Variants in SCN11A observed in about 807,000 individuals in gnomAD.
The protein encoded by SCN11A is sodium channel protein type 11 subunit alpha.
Under a neutral mutation model 162.2 loss-of-function variants are expected in SCN11A, and 122 were observed. The ratio of observed to expected loss-of-function variants is 0.75; its 90% confidence interval spans 0.65 to 0.87. The LOEUF (loss-of-function observed/expected upper bound fraction) is 0.87. SCN11A is among the 40% of genes least tolerant of loss of function. The pLI is 0.00. For synonymous variants in SCN11A, 758 were observed against 751.5 expected (o/e 1.01, Z -0.14); for missense variants, 2,015 against 2,181.6 (o/e 0.92, Z 1.52).
intron 2 of SCN11A, among the ~76,000 whole-genome samples, chr3:38,988,680 T>C (rs1435879442): frequency 1.3e-5 from 2 of 152,246 alleles, no homozygotes; most frequent in African/African-American, 4.8e-5. Flanking sequence ...GTTATAAGAC[T>C]GCTAGGCTTT....
chr3:39,043,065 G>T (rs905660055), intron 1 of SCN11A, among the ~76,000 whole-genome samples: 9 of 151,314 alleles, frequency 5.9e-5, no homozygotes, highest in African/African-American at 1.7e-4. Flanking sequence ...ATGTGAAAAA[G>T]TGCTCAACAT....
chr3:39,005,861 G>GT (rs1255931415), intron 2 of SCN11A, among the ~76,000 whole-genome samples: 1 of 151,816 alleles, frequency 6.6e-6, no homozygotes, highest in Non-Finnish European at 1.5e-5. Flanking sequence ...TCTCGGATTT[G>GT]TTTTTTGTTT....
chr3:39,009,311 A>G (rs879588815), intron 2 of SCN11A, among the ~76,000 whole-genome samples: 21 of 152,138 alleles, frequency 1.4e-4, no homozygotes, highest in Middle Eastern at 3.4e-3. Flanking sequence ...TTTTAATTTC[A>G]AATATGATAA....
chr3:38,905,033 G>A (rs2065770182), intron 15 of SCN11A, among the ~76,000 whole-genome samples, 159 bp downstream of exon 15: 1 of 152,200 alleles, frequency 6.6e-6, no homozygotes, highest in Admixed American at 6.5e-5. Flanking sequence ...TTGTTTACAT[G>A]CTCCAAAGAG....
intron 23 of SCN11A, among the ~76,000 whole-genome samples, chr3:38,877,028 T>C (rs1023646148): frequency 6.6e-5 from 3 of 45,210 alleles, no homozygotes; most frequent in Admixed American, 2.5e-4. Context: ...GGTGTATATA[T>C]ATGGTATATA....
Position 38,946,886 on chromosome 3 carries a change from T to G in SCN11A, c.289A>C (p.Lys97Gln). The part of the protein sequence containing the change: ...NHKTFMVLNR[K>Q]RTIYRFSAKH... Reference sequence around the variant, plus strand: ...GCACTGAAGCGGTAGATTGTCCTCTTTCTGTTTAACACCATAAATGTCTGC... The same window carrying G: ...GCACTGAAGCGGTAGATTGTCCTCTGTCTGTTTAACACCATAAATGTCTGC... The change falls in exon 6 of 30, where the codon AAG (lysine) becomes CAG (glutamine). Residue 97 changes from lysine to glutamine, a missense_variant. Transcript: ENST00000302328. 2.5e-6 allele frequency: 4 copies of G among 1,612,586 alleles called. No homozygotes were observed. The highest frequency in any genetic ancestry group is 3.4e-6 in the Non-Finnish European group (4 of 1,179,242).
At chr3:38,946,727 C>A (rs2066521907) in intron 6 of SCN11A, 62 bp downstream of exon 6, 2 of 1,068,034 alleles carry the variant, frequency 1.9e-6, no homozygotes, top group Non-Finnish European at 1.4e-6. Flanking sequence ...AACATGAACA[C>A]CGTGGGGCAC....
At chr3:39,000,008 C>A (rs766533734) in intron 2 of SCN11A, among the ~76,000 whole-genome samples, 2 of 152,194 alleles carry the variant, frequency 1.3e-5, no homozygotes, top group African/African-American at 2.4e-5. Flanking sequence ...ACCAATACCC[C>A]CTCAGGCTTG....
intron 29 of SCN11A, chr3:38,850,215 T>G (rs1013135212): frequency 1.7e-4 from 59 of 349,550 alleles, no homozygotes; most frequent in African/African-American, 1.2e-3. Flanking sequence ...TCATTTTAAT[T>G]TTGTCTATTT....
intron 7 of SCN11A, among the ~76,000 whole-genome samples, chr3:38,941,253 T>C (rs759121562): frequency 1.3e-5 from 2 of 152,184 alleles, no homozygotes; most frequent in Non-Finnish European, 2.9e-5. Context: ...GGAAATGACA[T>C]ACTTAAAGTG....
chr3:38,904,628 C>T (rs904839023), intron 15 of SCN11A, among the ~76,000 whole-genome samples: 3 of 152,106 alleles, frequency 2.0e-5, no homozygotes, highest in Non-Finnish European at 2.9e-5. Context: ...CGAGATGATG[C>T]AGTAGGCTTA....
chr3:38,944,572 C>T (rs1346122804), intron 7 of SCN11A, among the ~76,000 whole-genome samples: 5 of 151,872 alleles, frequency 3.3e-5, no homozygotes, highest in Non-Finnish European at 5.9e-5. Context: ...GTGATCCACC[C>T]GCCTTGGCCT....
At chr3:38,930,994 T>G (rs534731262) in intron 7 of SCN11A, among the ~76,000 whole-genome samples, 10 of 152,334 alleles carry the variant, frequency 6.6e-5, no homozygotes, top group African/African-American at 2.4e-4. Context: ...CCACAAGGGC[T>G]AGGCAGAGCA....
intron 28 of SCN11A, among the ~76,000 whole-genome samples, chr3:38,851,370 A>G (rs2064775945): frequency 6.6e-6 from 1 of 152,204 alleles, no homozygotes; most frequent in Admixed American, 6.5e-5. Flanking sequence ...AATAGAAAAA[A>G]ATGATTAATT....
rs2065824092 is a variant in SCN11A, at chr3:38,907,874, T to G, written c.1473+75A>C. On this transcript the variant is annotated intron_variant, in intron 14 of 29. Coordinates refer to ENST00000302328, the MANE Select transcript of SCN11A (RefSeq NM_001349253.2). ...ATGAGTAACTGAATAAATGAATTAT[T>G]TCAATTTGATTGGCAATTGGACCTG... 11 of 1,278,446 alleles carry G rather than the reference T, an allele frequency of 8.6e-6. No individual in the cohort carries two copies. The South Asian group carries it at 1.6e-4, about 19-fold the overall frequency. 79.2% of individuals were successfully genotyped at this position (1,278,446 alleles called of 1,614,324 possible).
intron 2 of SCN11A, among the ~76,000 whole-genome samples, chr3:39,016,487 GAC>G (rs2031292544): frequency 6.6e-6 from 1 of 152,150 alleles, no homozygotes; most frequent in African/African-American, 2.4e-5. Flanking sequence ...TGGCCTGAAA[GAC>G]ATCCTTTAAT....
chr3:39,008,332 A>T (rs1309079296), intron 2 of SCN11A, among the ~76,000 whole-genome samples: 1 of 152,202 alleles, frequency 6.6e-6, no homozygotes, highest in Middle Eastern at 3.2e-3. Context: ...GGTCTGAAAA[A>T]ATGTGTCCCC....
At chr3:38,945,612 G>T in intron 6 of SCN11A, 100 bp from the exon 7 acceptor site, 1 of 660,208 alleles carries the variant, frequency 1.5e-6, no homozygotes, top group Non-Finnish European at 2.5e-6. Flanking sequence ...TTTTCTGCAG[G>T]TGCATCTATC....
chr3:38,983,476 G>C (rs1470228520), intron 2 of SCN11A, among the ~76,000 whole-genome samples: 1 of 152,166 alleles, frequency 6.6e-6, no homozygotes, highest in Non-Finnish European at 1.5e-5. Context: ...AGTCTCACTT[G>C]AATGGGGAAA....
Sources: allele counts gnomAD v4.1 joint callset (sites outside exome capture counted in the v4.1 genomes callset), GRCh38; gene constraint gnomAD v4.1.1; transcripts MANE v1.5; gene names NCBI Gene and HGNC (gene_info 2026-07-23, HGNC 2026-07-21).